TMC5: variants seen among roughly 807,000 people sequenced by gnomAD.
TMC5 encodes transmembrane channel like 5, also known as transmembrane channel-like protein 5.
Under a neutral mutation model 110.5 loss-of-function variants are expected in TMC5, and 86 were observed. The ratio of observed to expected loss-of-function variants is 0.78; its 90% CI spans 0.65 to 0.93. The LOEUF is 0.93. Ranked by LOEUF, TMC5 falls within the 40% of genes least tolerant of loss-of-function variation. The pLI, the probability that TMC5 is intolerant of heterozygous loss-of-function variation, is 0.00. For synonymous variants in TMC5, 455 were observed against 439.5 expected, an observed-to-expected ratio of 1.04 and a Z score of -0.44; for missense variants, 1,144 against 1,222.8, an observed-to-expected ratio of 0.94 and a Z score of 0.96.
intron 3 of TMC5, among the ~76,000 whole-genome samples, chr16:19,441,298 T>G (rs1477014264): frequency 1.8e-5 from 2 of 109,100 alleles, no homozygotes; most frequent in Non-Finnish European, 4.5e-5. Context: ...TTTGTTTTTT[T>G]TTTTGGTCAT....
At chr16:19,496,045 T>G (rs971222371) in intron 20 of TMC5, among the ~76,000 whole-genome samples, 1 of 151,408 alleles carries the variant, frequency 6.6e-6, no homozygotes, top group African/African-American at 2.4e-5. Flanking sequence ...TAATCCCAGC[T>G]ACTTGGGAGG....
At chr16:19,456,749 GAGA>G in intron 5 of TMC5, 1 of 1,614,072 alleles carries the variant, frequency 6.2e-7, no homozygotes, top group Non-Finnish European at 8.5e-7. Context: ...CATACAGGTT[GAGA>G]ATGTTTCCTC....
upstream of TMC5, among the ~76,000 whole-genome samples, chr16:19,417,093 T>TAAAAA (rs1966881791): frequency 2.3e-4 from 1 of 4,368 alleles, no homozygotes; most frequent in Non-Finnish European, 3.8e-4. Flanking sequence ...GACTCAGTCT[T>TAAAAA]CAAAAAAAAA....
chr16:19,447,725 TTTA>T (rs1271436883), intron 4 of TMC5, among the ~76,000 whole-genome samples: 2 of 152,040 alleles, frequency 1.3e-5, no homozygotes, highest in African/African-American at 4.8e-5. Context: ...AGCCAATTTT[TTTA>T]TTTTTTGTAG....
chr16:19,473,345 C>CAAAAAAAAAAAAA (rs35872301), intron 11 of TMC5, among the ~76,000 whole-genome samples: 2 of 20,238 alleles, frequency 9.9e-5, no homozygotes, highest in African/African-American at 2.0e-4. Context: ...GACTCCGGCT[C>CAAAAAAAAAAAAA]AAAAAAAAAA....
chr16:19,432,438 C>T (rs971698007), intron 2 of TMC5, among the ~76,000 whole-genome samples: 1 of 152,074 alleles, frequency 6.6e-6, no homozygotes, highest in Non-Finnish European at 1.5e-5. Flanking sequence ...GGATAGTACC[C>T]TCTTTGTGCT....
chr16:19,440,232 A>T lies in TMC5; in HGVS notation c.194A>T (p.Tyr65Phe), dbSNP rs1476468091. The T allele has an allele frequency of 1.2e-6, 2 of 1,614,150 alleles. No homozygotes were observed. The highest frequency in any genetic ancestry group is 8.5e-7 in the Non-Finnish European group (1 of 1,180,024). ...GTAGCCTCCAGAACACGTCCAGACTATCCTGGGTCTCTGGCAGAACCAAAT... is the reference window on the plus strand; with the variant it reads ...GTAGCCTCCAGAACACGTCCAGACTTTCCTGGGTCTCTGGCAGAACCAAAT... ...YSVASRTRPD[Y>F]PGSLAEPNYP... The change falls in exon 3 of 22, where the codon TAT (tyrosine) becomes TTT (phenylalanine). Residue 65 changes from tyrosine (Y) to phenylalanine (F), a missense_variant. Coordinates refer to ENST00000542583, the MANE Select transcript of TMC5 (RefSeq NM_001261841.2).
chr16:19,438,435 G>GAGAAAGAAAGAAAGAC (rs1967403731), intron 2 of TMC5, among the ~76,000 whole-genome samples: 1 of 103,936 alleles, frequency 9.6e-6, no homozygotes, highest in Non-Finnish European at 1.8e-5. Flanking sequence ...AAGAAAGAAA[G>GAGAAAGAAAGAAAGAC]AGAAAGAAAG....
chr16:19,486,641 G>A (rs1003792759), intron 15 of TMC5, among the ~76,000 whole-genome samples: 10 of 152,092 alleles, frequency 6.6e-5, no homozygotes, highest in Non-Finnish European at 1.2e-4. Context: ...GCCTCCCAAA[G>A]TTCTGGGATT....
At chr16:19,427,905 A>G (rs1412934891) in intron 1 of TMC5, among the ~76,000 whole-genome samples, 4 of 152,230 alleles carry the variant, frequency 2.6e-5, no homozygotes, top group Non-Finnish European at 5.9e-5. Flanking sequence ...TACTTCAAAC[A>G]GAACATCAGC....
At chr16:19,454,930 G>A (rs893085376) in intron 5 of TMC5, among the ~76,000 whole-genome samples, 1 of 152,138 alleles carries the variant, frequency 6.6e-6, no homozygotes, top group Non-Finnish European at 1.5e-5. Context: ...CTTGAAACCA[G>A]GGGTTCGAGA....
At chr16:19,472,308 G>C in intron 11 of TMC5, 65 bp downstream of exon 11, 2 of 1,576,414 alleles carry the variant, frequency 1.3e-6, no homozygotes, top group Non-Finnish European at 1.7e-6. Flanking sequence ...GGAGGGGAAG[G>C]GTGGTGTGCA....
chr16:19,415,122 A>G (rs1364212201), upstream of TMC5, among the ~76,000 whole-genome samples: 2 of 152,246 alleles, frequency 1.3e-5, no homozygotes, highest in Non-Finnish European at 2.9e-5. Context: ...AGTATTGCCA[A>G]CTTATTGTCT....
chr16:19,481,997 A>G (rs1968630202), intron 15 of TMC5, among the ~76,000 whole-genome samples: 1 of 152,246 alleles, frequency 6.6e-6, no homozygotes. Context: ...TGAATCTACC[A>G]GCACCTTGAT....
chr16:19,497,804 G>A (rs1003608999), intron 21 of TMC5, 116 bp from the exon 22 acceptor site: 97 of 850,890 alleles, frequency 1.1e-4, no homozygotes, highest in Non-Finnish European at 1.7e-4. Flanking sequence ...AAACTAAAAG[G>A]AAGAGGCAAA....
intron 14 of TMC5, among the ~76,000 whole-genome samples, chr16:19,480,511 G>T (rs968958104): frequency 1.3e-5 from 2 of 152,070 alleles, no homozygotes; most frequent in African/African-American, 4.8e-5. Context: ...GGACATAAAG[G>T]TGAAAAGGTT....
At chr16:19,470,299 C>T (rs1968304558) in intron 10 of TMC5, among the ~76,000 whole-genome samples, 1 of 152,028 alleles carries the variant, frequency 6.6e-6, no homozygotes, top group South Asian at 2.1e-4. Context: ...GGCGATTCTG[C>T]TACATCAGCC....
At chr16:19,457,943 C>G (rs1044061593) in intron 5 of TMC5, among the ~76,000 whole-genome samples, 2 of 151,540 alleles carry the variant, frequency 1.3e-5, no homozygotes, top group Admixed American at 6.6e-5. Flanking sequence ...AACCTTGTCT[C>G]GAACTCCTGG....
At chr16:19,455,161 C>CT (rs975930663) in intron 5 of TMC5, among the ~76,000 whole-genome samples, 13 of 151,408 alleles carry the variant, frequency 8.6e-5, no homozygotes, top group Admixed American at 2.0e-4. Context: ...AAAATTTGTA[C>CT]TTTTTTTTAC....
Sources: allele counts gnomAD v4.1 joint callset (sites outside exome capture counted in the v4.1 genomes callset), GRCh38; gene constraint gnomAD v4.1.1; transcripts MANE v1.5; gene names NCBI Gene and HGNC (gene_info 2026-07-23, HGNC 2026-07-21).